COL20A1: variants seen among roughly 807,000 people sequenced by gnomAD.
The protein encoded by COL20A1 is collagen type XX alpha 1 chain.
In COL20A1, 164 loss-of-function variants were observed where a neutral mutation model predicts 152.9. That is an observed-to-expected ratio of 1.07 (90% confidence interval 0.94 to 1.22). COL20A1 has a LOEUF of 1.22. Among genes scored for constraint, COL20A1 ranks in the 50% most tolerant of loss-of-function variants. The pLI is 0.00. For synonymous variants in COL20A1, 864 were observed against 756.0 expected (o/e 1.14, Z -2.34); for missense variants, 1,873 against 1,744.8 (o/e 1.07, Z -1.31).
At position 63,311,362 on chromosome 20, in the gene COL20A1, C is replaced by T. The variant is rs1044913852; in HGVS notation, c.1394-32C>T. 5.2e-6 allele frequency: 8 copies of T among 1,551,440 alleles called. No individual in the cohort carries two copies. The East Asian group carries it at 1.2e-4, about 23-fold the overall frequency. On this transcript the variant is annotated intron_variant, in intron 11 of 35. Coordinates refer to ENST00000358894, the MANE Select transcript of COL20A1 (RefSeq NM_020882.4). This position sits in a 1 kb window ranked among gnomAD's most constrained non-coding sequence, Gnocchi z 4.4. ...CGTGGGTGTGATCTCTGTGTGGGCT[C>T]CTTCCTAAAGTGTCCCTGCATGGCC...
rs2068055610 is a variant in COL20A1 at position 63,314,214 on chromosome 20, C to T, written c.2488+13C>T. On this transcript the variant is annotated intron_variant, in intron 19 of 35. Transcript: ENST00000358894. ...ACGGGCCAGACAGGTGAGTGGGCAC[C>T]AAGACCCCAGACCCAGGTAGACCCA... 6.4e-7 allele frequency: 1 copy of T among 1,552,218 alleles called. No individual in the cohort carries two copies. Among genetic ancestry groups the T allele is most frequent in the Admixed American group, 2.0e-5 (1 of 51,112 alleles).
chr20:63,315,433 C>G lies in COL20A1; in HGVS notation c.2518C>G (p.Leu840Val). The G allele has an allele frequency of 6.3e-7, 1 of 1,578,448 alleles. No individual in the cohort carries two copies. Among genetic ancestry groups the G allele is most frequent in the Non-Finnish European group, 8.6e-7 (1 of 1,167,176 alleles). The change falls in exon 20 of 36, where the codon CTC becomes GTC. Residue 840 changes from leucine (L) to valine (V), a missense_variant. Leu to Val is a conservative substitution (Grantham distance 32). Coordinates refer to ENST00000358894, the MANE Select transcript of COL20A1 (RefSeq NM_020882.4). Reference sequence around the variant, plus strand: ...CCCAGCCCTCCGCCCTGACGGCTCCCTCCCAGGTGGGTCCTGCATGCCCTC... The same window carrying G: ...CCCAGCCCTCCGCCCTGACGGCTCCGTCCCAGGTGGGTCCTGCATGCCCTC... ...ACPALRPDGSLPGFDLMVAFS... is the reference protein window; with the variant it reads ...ACPALRPDGSVPGFDLMVAFS...
intron 25 of COL20A1, 110 bp from the exon 26 acceptor site, chr20:63,320,903 G>T (rs1162611960): frequency 2.5e-6 from 2 of 808,532 alleles, no homozygotes; most frequent in Non-Finnish European, 2.0e-6. Context: ...CCCAGGTGCG[G>T]GTCTGGAAGT....
chr20:63,312,315 G>A (rs1316753498), intron 14 of COL20A1, 105 bp from the exon 15 acceptor site: 2 of 1,306,798 alleles, frequency 1.5e-6, no homozygotes, highest in Non-Finnish European at 2.0e-6. Flanking sequence ...GTTTCTGGGG[G>A]GTCGTGGGGT....
At chr20:63,325,143 G>T (rs541142353) in intron 27 of COL20A1, 2 of 548,252 alleles carry the variant, frequency 3.6e-6, no homozygotes. Flanking sequence ...TTTAATGGAG[G>T]TGTCTCCATG....
Position 63,320,322 on chromosome 20 carries a change from G to A in COL20A1, c.3107G>A (p.Ser1036Asn), listed in dbSNP as rs1281708561. Residue 1036 changes from serine (S) to asparagine (N), a missense_variant, in exon 25 of 36, where the codon AGT (serine) becomes AAT (asparagine). Coordinates refer to ENST00000358894, the MANE Select transcript of COL20A1 (RefSeq NM_020882.4). ...FQLQMLQIVC[S>N]DTWADEDRCC... is the part of the protein sequence containing the mutation. ...CTCCAGATGCTGCAGATCGTGTGCAGTGACACCTGGGCCGATGAGGACCGG... is the reference window on the plus strand; with the variant it reads ...CTCCAGATGCTGCAGATCGTGTGCAATGACACCTGGGCCGATGAGGACCGG... The A allele has an allele frequency of 2.5e-6, 4 of 1,611,122 alleles. No individual in the cohort carries two copies. The highest frequency in any genetic ancestry group is 1.3e-5 in the African/African-American group (1 of 75,060).
In COL20A1 at chr20:63,319,314, C is replaced by T. The variant is rs79792616; in HGVS notation, c.2806+114C>T. 9 of 1,243,550 alleles carry T rather than the reference C, an allele frequency of 7.2e-6. No homozygotes were observed. Among genetic ancestry groups the T allele is most frequent in the East Asian group, 2.5e-5 (1 of 39,536 alleles). 77.0% of individuals were successfully genotyped at this position (1,243,550 alleles called of 1,614,324 possible). ...AGCCTCCAGGCCAGGCCCTCAGCAC[C>T]CTCTGGGTGGGAGGCAGGTGTCCCG... On this transcript the variant is annotated intron_variant, in intron 22 of 35. Coordinates refer to ENST00000358894, the MANE Select transcript of COL20A1 (RefSeq NM_020882.4). This position sits in a 1 kb window ranked among gnomAD's most constrained non-coding sequence, Gnocchi z 4.4.
chr20:63,307,514 C>A lies in COL20A1; in HGVS notation c.521C>A (p.Pro174His). Residue 174 changes from proline (P) to histidine (H), a missense_variant, in exon 6 of 36, where the codon CCC (proline) becomes CAC (histidine). By Grantham distance (77) the Pro-to-His change is moderately conservative. Coordinates refer to ENST00000358894, the MANE Select transcript of COL20A1 (RefSeq NM_020882.4). ...GCCGGCCCCCAGTTCCGCTGCCTGC[C>A]CCCCGTGCCTGCTGACATGGTCTTC... ...TPAGPQFRCLPPVPADMVFLV... is the reference protein window; with the variant it reads ...TPAGPQFRCLHPVPADMVFLV... 6.2e-7 allele frequency: 1 copy of A among 1,612,296 alleles called. No homozygotes were observed. Among genetic ancestry groups the A allele is most frequent in the South Asian group, 1.1e-5 (1 of 91,072 alleles).
At position 63,308,620 on chromosome 20, in the gene COL20A1, T is replaced by C. The variant is rs2067962129; in HGVS notation, c.854T>C (p.Ile285Thr). Residue 285 changes from isoleucine to threonine, a missense_variant, in exon 8 of 36, where the codon ATT (isoleucine) becomes ACT (threonine). Coordinates refer to ENST00000358894, the MANE Select transcript of COL20A1 (RefSeq NM_020882.4). Reference protein sequence around the residue: ...GLRPEAAKVVILVTDGKSQDD... With the variant: ...GLRPEAAKVVTLVTDGKSQDD... ...CGTCCAGAGGCAGCCAAGGTGGTGA[T>C]TCTGGTGACGGACGGCAAGTCCCAG... The C allele has an allele frequency of 6.2e-7, 1 of 1,606,602 alleles. No homozygotes were observed. The highest frequency in any genetic ancestry group is 1.7e-5 in the Admixed American group (1 of 59,298).
rs1382919598 is a variant in COL20A1, at chr20:63,311,867, CT to C, written c.1664-48del. 6.6e-7 allele frequency: 1 copy of C among 1,508,578 alleles called. No homozygotes were observed. Among genetic ancestry groups the C allele is most frequent in the South Asian group, 1.3e-5 (1 of 79,452 alleles). 93.4% of individuals were successfully genotyped at this position (1,508,578 alleles called of 1,614,324 possible). On this transcript the variant is annotated intron_variant, in intron 13 of 35. Coordinates refer to ENST00000358894, the MANE Select transcript of COL20A1 (RefSeq NM_020882.4). The surrounding 1 kb of genome is among the most constrained non-coding windows in gnomAD (Gnocchi z 4.4). ...TCCCAGCCACTGCCCACCCTTGCCC[CT>C]GCCATGGAGGCCGCGTGCTGGCCTT...
At chr20:63,295,591 C>T (rs560788297) in intron 2 of COL20A1, among the ~76,000 whole-genome samples, 6 of 152,118 alleles carry the variant, frequency 3.9e-5, no homozygotes, top group African/African-American at 1.4e-4. Flanking sequence ...GTGCGGCACT[C>T]GCATTTCCAC....
chr20:63,309,709 A>C (rs374436824), intron 9 of COL20A1, 49 bp from the exon 10 acceptor site: 1 of 1,480,556 alleles, frequency 6.8e-7, no homozygotes, highest in Non-Finnish European at 9.0e-7. Flanking sequence ...GCGTGGACAC[A>C]GCTGCCCGTG....
At chr20:63,309,707 A>C (rs1352965999) in intron 9 of COL20A1, 51 bp from the exon 10 acceptor site, 6 of 1,470,328 alleles carry the variant, frequency 4.1e-6, no homozygotes, top group Non-Finnish European at 5.4e-6. Context: ...GAGCGTGGAC[A>C]CAGCTGCCCG....
Position 63,308,528 on chromosome 20 carries a change from C to T in COL20A1, c.776-14C>T. The T allele has an allele frequency of 1.3e-6, 2 of 1,565,230 alleles. No individual in the cohort carries two copies. Among genetic ancestry groups the T allele is most frequent in the East Asian group, 2.3e-5 (1 of 43,432 alleles). On this transcript the variant is annotated splice_polypyrimidine_tract_variant and intron_variant, in intron 7 of 35. Coordinates refer to ENST00000358894, the MANE Select transcript of COL20A1 (RefSeq NM_020882.4). ...CTGGCAGCTGCCTGTCACTTTATTC[C>T]TGCTGCTCCCAAGGCCTTGCCCTGA...
chr20:63,306,029 G>C lies in COL20A1; in HGVS notation c.486G>C (p.Pro162=). The C allele has an allele frequency of 6.2e-7, 1 of 1,610,414 alleles. No homozygotes were observed. Among genetic ancestry groups the C allele is most frequent in the Non-Finnish European group, 8.5e-7 (1 of 1,178,614 alleles). The change falls in exon 5 of 36, where the codon CCG becomes CCC. Residue 162 remains proline (P), a synonymous_variant. Coordinates refer to ENST00000358894, the MANE Select transcript of COL20A1 (RefSeq NM_020882.4). The surrounding 1 kb of genome is among the most constrained non-coding windows in gnomAD (Gnocchi z 6.9). ...TTGCCTTCACACCAAGCCAGGATCC[G>C]CGCACTCCTGGTGGGTCAGAGTGGA... is the stretch of plus-strand genomic sequence containing the variant. ...PQVAFTPSQD[P]RTPAGPQFRC...
intron 3 of COL20A1, among the ~76,000 whole-genome samples, chr20:63,304,872 C>T (rs543713391): frequency 6.6e-6 from 1 of 152,374 alleles, no homozygotes; most frequent in Admixed American, 6.5e-5. Flanking sequence ...AAGGCCATTT[C>T]TTCTTGCTCT....
chr20:63,293,506 G>A (rs113044692), intron 1 of COL20A1, among the ~76,000 whole-genome samples: 318 of 152,290 alleles, frequency 2.1e-3, no homozygotes, highest in Non-Finnish European at 3.3e-3. Flanking sequence ...CCTTCTGGGG[G>A]TCTCAGACAA....
chr20:63,327,658 A>ACCC, intron 31 of COL20A1: 1 of 487,268 alleles, frequency 2.1e-6, no homozygotes, highest in South Asian at 2.2e-5. Flanking sequence ...GCAGTGTCCC[A>ACCC]CACCCGCCAT....
At position 63,329,609 on chromosome 20, in the gene COL20A1, TG is replaced by T; in HGVS notation, c.3809del (p.Gly1270AlafsTer143). Reference protein sequence around the residue: ...GRGEPGAVGQMGSPGQQGAST... With the variant: ...GRGEPGAVGQXGSPGQQGAST... ...GGGGAGCCTGGAGCTGTTGGTCAGA[TG>T]GGCAGCCCTGGGCAGCAGGGGGCTA... On this transcript the variant is annotated frameshift_variant, in exon 35 of 36. Transcript: ENST00000358894. LOFTEE classifies it high-confidence loss of function. 6.2e-7 allele frequency: 1 copy of T among 1,607,728 alleles called. No individual in the cohort carries two copies. The highest frequency in any genetic ancestry group is 8.5e-7 in the Non-Finnish European group (1 of 1,178,686).
Sources: allele counts gnomAD v4.1 joint callset (sites outside exome capture counted in the v4.1 genomes callset), GRCh38; gene constraint gnomAD v4.1.1; non-coding constraint Gnocchi (gnomAD v3.1); transcripts MANE v1.5; gene names NCBI Gene and HGNC (gene_info 2026-07-23, HGNC 2026-07-21).